ZNF804A: variants seen among roughly 807,000 people sequenced by gnomAD.
The protein encoded by ZNF804A is zinc finger protein 804A.
A neutral mutation model predicts 16.5 loss-of-function variants in ZNF804A; 2 were observed. That is an observed-to-expected ratio of 0.12 (90% CI 0.05 to 0.38). The LOEUF (loss-of-function observed/expected upper bound fraction) is 0.38, where lower values mean the gene tolerates loss of function less well. Ranked by LOEUF, ZNF804A falls within the 10% of genes least tolerant of loss-of-function variation. The pLI is 0.99. For missense variants in ZNF804A, 1,473 were observed against 1,390.7 expected, an observed-to-expected ratio of 1.06 and a Z score of -0.94; for synonymous variants, 534 against 489.6, an observed-to-expected ratio of 1.09 and a Z score of -1.20.
chr2:184,710,405 CAT>C (rs201114756), intron 1 of ZNF804A, among the ~76,000 whole-genome samples: 48 of 151,088 alleles, frequency 3.2e-4, no homozygotes, highest in African/African-American at 1.1e-3. Flanking sequence ...GAATTTATAC[CAT>C]ATATATATAT....
intron 1 of ZNF804A, among the ~76,000 whole-genome samples, chr2:184,754,772 T>TA (rs925054419): frequency 3.6e-4 from 55 of 151,778 alleles, no homozygotes; most frequent in African/African-American, 1.3e-3. Flanking sequence ...ATCTTTTTTT[T>TA]AAAAAAAATT....
At chr2:184,928,268 T>C (rs1030939801) in intron 2 of ZNF804A, among the ~76,000 whole-genome samples, 3 of 152,148 alleles carry the variant, frequency 2.0e-5, no homozygotes, top group Admixed American at 1.3e-4. Context: ...TGTTTAGAAA[T>C]GTTTTCCTGA....
chr2:184,626,800 T>A (rs1468800392), intron 1 of ZNF804A, among the ~76,000 whole-genome samples: 1 of 152,170 alleles, frequency 6.6e-6, no homozygotes, highest in East Asian at 1.9e-4. Context: ...ACATGTTAAT[T>A]TTTTCTTCAA....
intron 1 of ZNF804A, among the ~76,000 whole-genome samples, chr2:184,608,307 A>G (rs1336687259): frequency 6.6e-6 from 1 of 151,988 alleles, no homozygotes; most frequent in African/African-American, 2.4e-5. Flanking sequence ...TGTGAGGTGT[A>G]TTTTCTGGAT....
chr2:184,675,527 A>G (rs1299215854), intron 1 of ZNF804A, among the ~76,000 whole-genome samples: 2 of 151,830 alleles, frequency 1.3e-5, no homozygotes, highest in African/African-American at 4.8e-5. Flanking sequence ...AAAACCTGAG[A>G]TACCTAGATT....
In ZNF804A at chr2:184,936,331, G is replaced by T; in HGVS notation, c.935G>T (p.Cys312Phe). Residue 312 changes from cysteine (C) to phenylalanine (F), a missense_variant, in exon 4 of 4, where the codon TGC (cysteine) becomes TTC (phenylalanine). Cys to Phe is a radical substitution (Grantham distance 205). Coordinates refer to ENST00000302277, the MANE Select transcript of ZNF804A (RefSeq NM_194250.2). ...EKDALLLPSFCKFQLQLSSDA... is the reference protein window; with the variant it reads ...EKDALLLPSFFKFQLQLSSDA... Reference sequence around the variant, plus strand: ...GATGCATTATTATTACCTTCATTTTGCAAGTTTCAACTTCAGTTATCTTCT... The same window carrying T: ...GATGCATTATTATTACCTTCATTTTTCAAGTTTCAACTTCAGTTATCTTCT... 1 of 1,613,692 alleles carries T rather than the reference G, an allele frequency of 6.2e-7. No individual in the cohort carries two copies. Among genetic ancestry groups the T allele is most frequent in the Non-Finnish European group, 8.5e-7 (1 of 1,179,798 alleles).
intron 1 of ZNF804A, among the ~76,000 whole-genome samples, chr2:184,689,676 AG>A (rs1403937597): frequency 6.6e-6 from 1 of 152,048 alleles, no homozygotes; most frequent in Non-Finnish European, 1.5e-5. Flanking sequence ...ATGCTTAATG[AG>A]TTTTTTATAG....
chr2:184,818,524 A>G (rs780866616), intron 1 of ZNF804A, among the ~76,000 whole-genome samples: 19 of 152,102 alleles, frequency 1.2e-4, no homozygotes, highest in Non-Finnish European at 2.5e-4. Context: ...ACCAGCTAGC[A>G]TCATGATGGC....
intron 1 of ZNF804A, among the ~76,000 whole-genome samples, chr2:184,728,558 T>A (rs1025073513): frequency 3.9e-5 from 6 of 151,922 alleles, no homozygotes; most frequent in African/African-American, 1.4e-4. Flanking sequence ...CACCTAGAGA[T>A]TCCTTCTGGT....
At chr2:184,783,137 A>AGTTTTTTT (rs1558960292) in intron 1 of ZNF804A, among the ~76,000 whole-genome samples, 3 of 40,458 alleles carry the variant, frequency 7.4e-5, no homozygotes, top group Admixed American at 3.9e-4. Context: ...TAAAAGAGTG[A>AGTTTTTTT]GTTTTTTTTT....
intron 1 of ZNF804A, among the ~76,000 whole-genome samples, chr2:184,819,115 T>C (rs1010796019): frequency 6.6e-6 from 1 of 152,098 alleles, no homozygotes; most frequent in African/African-American, 2.4e-5. Flanking sequence ...GAATACACAT[T>C]CTTCTCATTG....
At chr2:184,830,634 T>A (rs1695248427) in intron 1 of ZNF804A, among the ~76,000 whole-genome samples, 3 of 152,126 alleles carry the variant, frequency 2.0e-5, no homozygotes, top group Admixed American at 6.6e-5. Flanking sequence ...GTAACTCTGA[T>A]CCTTTTGTCA....
chr2:184,632,624 C>T (rs907349004), intron 1 of ZNF804A, among the ~76,000 whole-genome samples: 6 of 152,130 alleles, frequency 3.9e-5, no homozygotes, highest in African/African-American at 1.4e-4. Flanking sequence ...GGGATCTGCC[C>T]GCCTCTGCCT....
At chr2:184,783,501 G>C (rs747597795) in intron 1 of ZNF804A, among the ~76,000 whole-genome samples, 13 of 151,876 alleles carry the variant, frequency 8.6e-5, no homozygotes, top group Non-Finnish European at 1.5e-4. Context: ...TGTTAGACCA[G>C]AAGGTAGTTC....
At chr2:184,752,647 G>C (rs2105759150) in intron 1 of ZNF804A, among the ~76,000 whole-genome samples, 1 of 151,580 alleles carries the variant, frequency 6.6e-6, no homozygotes, top group African/African-American at 2.4e-5. Context: ...TTTACATAAA[G>C]GCAACAAACA....
chr2:184,773,390 T>A (rs752703261), intron 1 of ZNF804A, among the ~76,000 whole-genome samples: 3 of 151,822 alleles, frequency 2.0e-5, no homozygotes, highest in Non-Finnish European at 4.4e-5. Context: ...TCTATTTCAA[T>A]TGACACACCA....
At chr2:184,833,420 T>A (rs58212950) in intron 1 of ZNF804A, among the ~76,000 whole-genome samples, 1 of 152,010 alleles carries the variant, frequency 6.6e-6, no homozygotes, top group Admixed American at 6.6e-5. Flanking sequence ...TCCCATACTG[T>A]CACTACAAGC....
In ZNF804A at chr2:184,777,562, A is replaced by T. The variant is rs927083639; in HGVS notation, c.112-88807A>T. On this transcript the variant is annotated intron_variant, in intron 1 of 3. Transcript: ENST00000302277. ...TAACTCTGAAAAAAATGCTGTCTAC[A>T]TTTTTTTTTACTGCTATCTAAAGGA... Among the ~76,000 whole-genome samples, 365 of 150,510 alleles carry T rather than the reference A, an allele frequency of 2.4e-3. 5 individuals are homozygous for T. The highest frequency in any genetic ancestry group is 8.4e-3 in the African/African-American group (346 of 41,162).
chr2:184,679,152 T>C (rs1203496694), intron 1 of ZNF804A, among the ~76,000 whole-genome samples: 1 of 152,218 alleles, frequency 6.6e-6, no homozygotes, highest in Non-Finnish European at 1.5e-5. Flanking sequence ...ATGTTGAACG[T>C]AGATTCAGAC....
Sources: allele counts gnomAD v4.1 joint callset (sites outside exome capture counted in the v4.1 genomes callset), GRCh38; gene constraint gnomAD v4.1.1; transcripts MANE v1.5; gene names NCBI Gene and HGNC (gene_info 2026-07-23, HGNC 2026-07-21).